ABCB1: variants seen among roughly 807,000 people sequenced by gnomAD.
ABCB1 encodes ATP binding cassette subfamily B member 1.
In ABCB1, 69 loss-of-function variants were observed where a neutral mutation model predicts 142.0. That is an observed-to-expected ratio of 0.49 (90% confidence interval 0.40 to 0.59). The LOEUF is 0.59. Ranked by LOEUF, ABCB1 falls within the 20% of genes least tolerant of loss-of-function variation. ABCB1 has a pLI of 0.00. For missense variants in ABCB1, 1,326 were observed against 1,554.7 expected (o/e 0.85, Z 2.47); for synonymous variants, 532 against 539.2 (o/e 0.99, Z 0.18).
chr7:87,560,143 G>A (rs911052764), intron 8 of ABCB1, among the ~76,000 whole-genome samples: 6 of 152,162 alleles, frequency 3.9e-5, no homozygotes, highest in South Asian at 2.1e-4. Context: ...CATGAGAGCC[G>A]GGGATTTATT....
chr7:87,551,022 A>C (rs1428767973), intron 9 of ABCB1, among the ~76,000 whole-genome samples, 184 bp from the exon 10 acceptor site: 1 of 151,580 alleles, frequency 6.6e-6, no homozygotes, highest in Non-Finnish European at 1.5e-5. Context: ...TCCTTTTTTC[A>C]TTTTTTTTCC....
Position 87,689,505 on chromosome 7 carries a change from T to G in ABCB1, c.-331+23656A>C, listed in dbSNP as rs965931817. 5.3e-5 allele frequency among the ~76,000 whole-genome samples: 8 copies of G among 152,302 alleles called. No homozygotes were observed. The South Asian group carries it at 6.2e-4, about 12-fold the overall frequency. On this transcript the variant is annotated intron_variant, in intron 1 of 28. Coordinates refer to the ABCB1 transcript ENST00000265724. The stretch of plus-strand genomic sequence containing the variant: ...TTGCTTTATTGCGCTAATATTTACT[T>G]TATTGTGCTAATATTACTTTAGCTA...
intron 1 of ABCB1, among the ~76,000 whole-genome samples, chr7:87,707,322 G>T (rs760224731): frequency 6.6e-6 from 1 of 152,000 alleles, no homozygotes; most frequent in Non-Finnish European, 1.5e-5. Flanking sequence ...TCAAGAAAAT[G>T]GAAATAAATA....
intron 1 of ABCB1, among the ~76,000 whole-genome samples, chr7:87,672,227 A>G (rs145170871): frequency 5.9e-5 from 9 of 152,344 alleles, no homozygotes; most frequent in African/African-American, 2.2e-4. Flanking sequence ...CATAGGAGGA[A>G]CAGGATCAGG....
intron 8 of ABCB1, among the ~76,000 whole-genome samples, chr7:87,557,085 T>C (rs984469669): frequency 1.3e-5 from 2 of 152,190 alleles, no homozygotes; most frequent in Admixed American, 1.3e-4. Context: ...TAAAGTTAAC[T>C]TGACCATTCA....
chr7:87,689,754 A>T (rs1189617594), intron 1 of ABCB1, among the ~76,000 whole-genome samples: 4 of 152,128 alleles, frequency 2.6e-5, no homozygotes, highest in Non-Finnish European at 5.9e-5. Flanking sequence ...CCTTTTCAAA[A>T]TCATTTTATG....
intron 1 of ABCB1, among the ~76,000 whole-genome samples, chr7:87,672,837 C>T (rs1825969615): frequency 6.6e-6 from 1 of 152,148 alleles, no homozygotes; most frequent in Non-Finnish European, 1.5e-5. Flanking sequence ...CCTGGGTGGG[C>T]TGTTGTCCTG....
chr7:87,636,657 C>A (rs1821805685), intron 1 of ABCB1, among the ~76,000 whole-genome samples: 1 of 152,092 alleles, frequency 6.6e-6, no homozygotes, highest in Non-Finnish European at 1.5e-5. Flanking sequence ...ATTCTTTTTT[C>A]TTCTAAAGCT....
chr7:87,596,372 G>GA (rs1217034584), intron 2 of ABCB1, among the ~76,000 whole-genome samples: 7 of 151,924 alleles, frequency 4.6e-5, no homozygotes, highest in South Asian at 2.1e-4. Flanking sequence ...ATCTAATTGT[G>GA]AAAAAAATGT....
intron 24 of ABCB1, among the ~76,000 whole-genome samples, chr7:87,516,057 G>C (rs1485246771): frequency 2.6e-5 from 4 of 152,048 alleles, no homozygotes; most frequent in Non-Finnish European, 5.9e-5. Context: ...ACCAGCCTGG[G>C]CAACATAACG....
At chr7:87,643,758 C>T (rs1375384033) in intron 1 of ABCB1, among the ~76,000 whole-genome samples, 3 of 152,000 alleles carry the variant, frequency 2.0e-5, no homozygotes, top group Admixed American at 6.6e-5. Flanking sequence ...AACTCCTGAG[C>T]TCAGGCAATC....
intron 21 of ABCB1, among the ~76,000 whole-genome samples, chr7:87,530,822 CAAGAAAGCAAGAAAGCAAGAAAGA>C (rs772358602): frequency 0.17 from 13,600 of 77,960 alleles, 672 homozygotes; most frequent in Middle Eastern, 0.2. Context: ...AGCAAGAAAG[CAAGAAAGCAAGAAAGCAAGAAAGA>C]AAGAAAGAAA....
At chr7:87,528,148 C>T (rs1815877410) in intron 21 of ABCB1, among the ~76,000 whole-genome samples, 1 of 152,154 alleles carries the variant, frequency 6.6e-6, no homozygotes, top group Admixed American at 6.5e-5. Context: ...CACTGGGACC[C>T]TCCCATAACA....
intron 1 of ABCB1, among the ~76,000 whole-genome samples, chr7:87,651,122 G>A (rs1823528504): frequency 6.6e-6 from 1 of 152,112 alleles, no homozygotes; most frequent in Non-Finnish European, 1.5e-5. Flanking sequence ...TTTCTGGGAT[G>A]CATTGAAAAT....
rs71117546 is a variant in ABCB1 at position 87,628,584 on chromosome 7, C to CGTGTGT, written c.-330-27512_-330-27507dup. On this transcript the variant is annotated intron_variant, in intron 1 of 28. Coordinates refer to the ABCB1 transcript ENST00000265724. ...CGAGGGCGGAGGTGGTGCGTGCGTG[C>CGTGTGT]GTGTGTGTGTGTGTGTGTGTGTGTG... 4.6e-3 allele frequency: 1,341 copies of CGTGTGT among 290,630 alleles called. 3 individuals carry two copies. Among genetic ancestry groups the CGTGTGT allele is most frequent in the Admixed American group, 9.3e-3 (176 of 18,864 alleles). 18.0% of individuals were successfully genotyped at this position (290,630 alleles called of 1,614,324 possible).
chr7:87,532,220 T>C (rs541886642), intron 20 of ABCB1, among the ~76,000 whole-genome samples: 9 of 152,178 alleles, frequency 5.9e-5, no homozygotes, highest in Admixed American at 2.6e-4. Flanking sequence ...ACATCTCCTC[T>C]ACCCTGGAAA....
Position 87,550,541 on chromosome 7 carries a change from T to G in ABCB1, c.1151A>C (p.Lys384Thr), listed in dbSNP as rs1817011001. Reference protein sequence around the residue: ...SIDSYSKSGHKPDNIKGNLEF... With the variant: ...SIDSYSKSGHTPDNIKGNLEF... ...CAAATTTCCCTTAATATTATCTGGT[T>G]TGTGCCCACTCTTCGAATAGCTGTC... The change falls in exon 11 of 28, where the codon AAA (lysine) becomes ACA (threonine). Residue 384 changes from lysine (K) to threonine (T), a missense_variant. Physicochemically the swap from Lys to Thr is moderately conservative, Grantham distance 78. Coordinates refer to ENST00000622132, the MANE Select transcript of ABCB1 (RefSeq NM_001348946.2). The G allele has an allele frequency of 1.9e-6, 3 of 1,613,614 alleles. No homozygotes were observed. The highest frequency in any genetic ancestry group is 2.5e-6 in the Non-Finnish European group (3 of 1,180,012).
chr7:87,595,858 T>C, intron 2 of ABCB1, 44 bp from the exon 3 acceptor site: 1 of 1,498,720 alleles, frequency 6.7e-7, no homozygotes, highest in South Asian at 1.1e-5. Context: ...AAAAAGTACA[T>C]ATTTTTTAAA....
intron 14 of ABCB1, among the ~76,000 whole-genome samples, chr7:87,546,461 G>T (rs1816787742): frequency 6.6e-6 from 1 of 151,800 alleles, no homozygotes; most frequent in African/African-American, 2.4e-5. Flanking sequence ...GGTGGCGGGT[G>T]CCTGTAGTCC....
Sources: allele counts gnomAD v4.1 joint callset (sites outside exome capture counted in the v4.1 genomes callset), GRCh38; gene constraint gnomAD v4.1.1; transcripts MANE v1.5; gene names NCBI Gene and HGNC (gene_info 2026-07-23, HGNC 2026-07-21).